Variants in CD164L2 observed in about 807,000 individuals in gnomAD.
The protein encoded by CD164L2 is CD164 molecule like 2.
CD164L2 carries 21 observed loss-of-function variants against 23.9 expected under a neutral mutation model. The observed-to-expected ratio is 0.88, with a 90% confidence interval of 0.62 to 1.27. The LOEUF (loss-of-function observed/expected upper bound fraction) is 1.27, where lower values mean the gene tolerates loss of function less well. Ranked by LOEUF, CD164L2 falls within the 50% of genes most tolerant of loss-of-function variation. CD164L2 has a pLI of 0.00. For synonymous variants in CD164L2, 92 were observed against 90.2 expected (o/e 1.02, Z -0.11); for missense variants, 230 against 224.8 (o/e 1.02, Z -0.15).
At chr1:27,380,503 A>T (rs1204430337) in intron 4 of CD164L2, among the ~76,000 whole-genome samples, 1 of 152,122 alleles carries the variant, frequency 6.6e-6, no homozygotes, top group Non-Finnish European at 1.5e-5. Flanking sequence ...TGGACCAGTG[A>T]CTGGGCTCCC....
rs139730633 is a variant in CD164L2 at position 27,382,567 on chromosome 1, G to T, written c.189C>A (p.Cys63Ter). Reference sequence around the variant, plus strand: ...GATTGCGCGCTCCGTCTCCCTCCACGCAGTGCTCACAGACCTCCAGCTGTT... The same window carrying T: ...GATTGCGCGCTCCGTCTCCCTCCACTCAGTGCTCACAGACCTCCAGCTGTT... Reference protein sequence around the residue: ...ACKQLEVCEHCVEGDGARNLS... With the variant: ...ACKQLEVCEH The change falls in exon 2 of 6, where the codon TGC becomes TGA. Residue 63 changes from cysteine (C) to a stop codon, truncating the protein, a stop_gained. Coordinates refer to ENST00000374030, the MANE Select transcript of CD164L2 (RefSeq NM_001330448.1). LOFTEE classifies it high-confidence loss of function. 10 of 1,613,670 alleles carry T rather than the reference G, an allele frequency of 6.2e-6. No homozygotes were observed. Among genetic ancestry groups the T allele is most frequent in the Non-Finnish European group, 6.8e-6 (8 of 1,179,930 alleles).
intron 5 of CD164L2, chr1:27,379,820 G>A: frequency 6.9e-7 from 1 of 1,452,244 alleles, no homozygotes; most frequent in Non-Finnish European, 9.0e-7. Context: ...GGAGGGCTCA[G>A]CTGGGCTCCT....
Position 27,383,295 on chromosome 1 carries a change from CG to C in CD164L2, c.-57del. 1.7e-6 allele frequency: 2 copies of C among 1,164,196 alleles called. No homozygotes were observed. Among genetic ancestry groups the C allele is most frequent in the Non-Finnish European group, 2.4e-6 (2 of 816,912 alleles). 72.1% of individuals were successfully genotyped at this position (1,164,196 alleles called of 1,614,324 possible). ...GTGGCCGGGATCGGTGGACAGCTGCCGGGCGCGTCCCTCCCAGACTGGGCTC... is the reference window on the plus strand; with the variant it reads ...GTGGCCGGGATCGGTGGACAGCTGCCGGCGCGTCCCTCCCAGACTGGGCTC... On this transcript the variant is annotated 5_prime_UTR_variant, in exon 1 of 6. Transcript: ENST00000374030.
At position 27,380,213 on chromosome 1, in the gene CD164L2, G is replaced by A; in HGVS notation, c.374-18C>T. 1.2e-6 allele frequency: 2 copies of A among 1,610,730 alleles called. No individual in the cohort carries two copies. The highest frequency in any genetic ancestry group is 1.7e-6 in the Non-Finnish European group (2 of 1,177,576). On this transcript the variant is annotated intron_variant, in intron 4 of 5. Transcript: ENST00000374030. ...GGGGCTCCCTGCAGGGGTGAGGCAG[G>A]GCAGGGGTCATAGCAGTCACTGTGA... is the stretch of plus-strand genomic sequence containing the variant.
chr1:27,379,906 G>C (rs2016306424), intron 5 of CD164L2, 145 bp downstream of exon 5: 9 of 1,513,718 alleles, frequency 5.9e-6, no homozygotes, highest in Non-Finnish European at 5.3e-6. Context: ...AGACAAAAGG[G>C]GTGTGGCTCA....
intron 5 of CD164L2, 101 bp downstream of exon 5, chr1:27,379,950 C>T (rs1039413656): frequency 5.8e-6 from 9 of 1,549,658 alleles, no homozygotes; most frequent in Non-Finnish European, 7.8e-6. Context: ...TGAGGGCTTG[C>T]CCATGGAGAA....
rs761749706 is a variant in CD164L2, at chr1:27,382,468, G to T, written c.256+32C>A. 15 of 1,585,002 alleles carry T rather than the reference G, an allele frequency of 9.5e-6. No homozygotes were observed. In the South Asian group the frequency reaches 1.3e-4, roughly 13 times the overall value. ...AGGGCCTTGGGGTTCAGAGCTGGGGGCACTCAATCTGGGGAGGGCTCAGCT... is the reference window on the plus strand; with the variant it reads ...AGGGCCTTGGGGTTCAGAGCTGGGGTCACTCAATCTGGGGAGGGCTCAGCT... On this transcript the variant is annotated intron_variant, in intron 2 of 5. Coordinates refer to ENST00000374030, the MANE Select transcript of CD164L2 (RefSeq NM_001330448.1).
Position 27,383,155 on chromosome 1 carries a change from C to CCA in CD164L2, c.83_84dup (p.Ala29TrpfsTer14), listed in dbSNP as rs2016373288. On this transcript the variant is annotated frameshift_variant, in exon 1 of 6. Coordinates refer to ENST00000374030, the MANE Select transcript of CD164L2 (RefSeq NM_001330448.1). LOFTEE classifies it high-confidence loss of function. Reference sequence around the variant, plus strand: ...GCCAGACCCTGCCGCGAGTTACCAGCCACAGCCAGCTGGGCACATAGGAGG... The same window carrying CCA: ...GCCAGACCCTGCCGCGAGTTACCAGCCACACAGCCAGCTGGGCACATAGGAGG... 1 of 1,548,506 alleles carries CCA rather than the reference C, an allele frequency of 6.5e-7. No individual in the cohort carries two copies. Among genetic ancestry groups the CCA allele is most frequent in the Non-Finnish European group, 8.7e-7 (1 of 1,146,492 alleles).
At chr1:27,379,699 G>T in intron 5 of CD164L2, 190 bp from the exon 6 acceptor site, 1 of 1,471,560 alleles carries the variant, frequency 6.8e-7, no homozygotes, top group Non-Finnish European at 9.0e-7. Context: ...AACCCAACTA[G>T]ACACAAGGCC....
At chr1:27,382,723 C>A in intron 1 of CD164L2, 56 bp from the exon 2 acceptor site, 1 of 1,492,064 alleles carries the variant, frequency 6.7e-7, no homozygotes, top group Non-Finnish European at 9.0e-7. Context: ...CTGTGGCACC[C>A]GCCCACCCTC....
In CD164L2 at chr1:27,381,760, C is replaced by T. The variant is rs982606388; in HGVS notation, c.373+20G>A. The stretch of plus-strand genomic sequence containing the variant: ...TGCACCTCTGCTCCTCCCACTGCCC[C>T]GTCTCCAGGGAGTACTCACCTGTTG... On this transcript the variant is annotated intron_variant, in intron 4 of 5. Transcript: ENST00000374030. 1.5e-5 allele frequency: 25 copies of T among 1,613,400 alleles called. No homozygotes were observed. Among genetic ancestry groups the T allele is most frequent in the Non-Finnish European group, 1.9e-5 (23 of 1,179,574 alleles).
intron 4 of CD164L2, among the ~76,000 whole-genome samples, chr1:27,380,582 C>T (rs1160969925): frequency 1.3e-5 from 2 of 152,214 alleles, no homozygotes; most frequent in East Asian, 3.8e-4. Context: ...CCCCTGCTCA[C>T]AATTCCTTTC....
In CD164L2 at chr1:27,383,330, G is replaced by C; in HGVS notation, c.-91C>G. ...CCTCCCAGACTGGGCTCGGCTGAGC[G>C]TGTGCGGAGCGAGACCTGGGCAACC... On this transcript the variant is annotated 5_prime_UTR_variant, in exon 1 of 6. Transcript: ENST00000374030. The C allele has an allele frequency of 1.2e-6, 1 of 836,846 alleles. No individual in the cohort carries two copies. 51.8% of individuals were successfully genotyped at this position (836,846 alleles called of 1,614,324 possible). A position where few individuals can be genotyped will look rare whatever the true frequency, so the allele number is the denominator to read the frequency against.
chr1:27,379,635 A>G lies in CD164L2; in HGVS notation c.519-126T>C, dbSNP rs2016301647. ...AACACAGGCTGTGGCGACCCGCCCC[A>G]CAGCACACACGGCACACAGAGGGCC... On this transcript the variant is annotated intron_variant, in intron 5 of 5. Coordinates refer to ENST00000374030, the MANE Select transcript of CD164L2 (RefSeq NM_001330448.1). 2.0e-6 allele frequency: 3 copies of G among 1,538,378 alleles called. No homozygotes were observed. The African/African-American group carries it at 4.1e-5, about 21-fold the overall frequency.
chr1:27,382,917 T>C (rs2016367985), intron 1 of CD164L2, among the ~76,000 whole-genome samples: 3 of 151,978 alleles, frequency 2.0e-5, no homozygotes, highest in African/African-American at 2.4e-5. Flanking sequence ...CCAGATTCAG[T>C]TGGAGCCACC....
At chr1:27,380,963 T>C (rs963992681) in intron 4 of CD164L2, among the ~76,000 whole-genome samples, 1 of 152,136 alleles carries the variant, frequency 6.6e-6, no homozygotes, top group African/African-American at 2.4e-5. Flanking sequence ...CTAGCAGGGA[T>C]TTGATTTCAG....
intron 4 of CD164L2, among the ~76,000 whole-genome samples, chr1:27,380,453 T>G (rs890069255): frequency 3.9e-5 from 6 of 152,010 alleles, no homozygotes; most frequent in Admixed American, 2.6e-4. Flanking sequence ...CCACCCACAT[T>G]CTCTCTGGGC....
rs577750612 is a variant in CD164L2 at position 27,381,046 on chromosome 1, C to T, written c.373+734G>A. 5.7e-4 allele frequency among the ~76,000 whole-genome samples: 87 copies of T among 152,290 alleles called. 1 individual carries two copies. Among genetic ancestry groups the T allele is most frequent in the African/African-American group, 2.1e-3 (86 of 41,564 alleles). On this transcript the variant is annotated intron_variant, in intron 4 of 5. Transcript: ENST00000374030. ...TCATTCTGGGACAGTGGAAAGGGGC[C>T]CAGCCTGAACTGGGTCTCCCTCCCA...
intron 3 of CD164L2, 125 bp from the exon 4 acceptor site, chr1:27,381,949 A>C: frequency 7.1e-7 from 1 of 1,399,936 alleles, no homozygotes. Flanking sequence ...CTAGACATCC[A>C]ACATACTTGC....
Sources: allele counts gnomAD v4.1 joint callset (sites outside exome capture counted in the v4.1 genomes callset), GRCh38; gene constraint gnomAD v4.1.1; transcripts MANE v1.5; gene names NCBI Gene and HGNC (gene_info 2026-07-23, HGNC 2026-07-21).